GCA: variants seen among roughly 807,000 people sequenced by gnomAD.
GCA encodes the protein grancalcin, EF-hand calcium-binding protein.
In GCA, 30 loss-of-function variants were observed where a neutral mutation model predicts 32.6. The observed-to-expected ratio is 0.92, with a 90% CI of 0.69 to 1.25. GCA has a LOEUF of 1.25. Among genes scored for constraint, GCA ranks in the 50% most tolerant of loss-of-function variants. The probability of loss-of-function intolerance (pLI) is 0.00; values close to 1 mark genes in which losing one functional copy is unlikely to be tolerated. For synonymous variants in GCA, 102 were observed against 84.6 expected (o/e 1.21, Z -1.13); for missense variants, 291 against 266.8 (o/e 1.09, Z -0.63).
intron 4 of GCA, among the ~76,000 whole-genome samples, chr2:162,370,704 G>T (rs1269347818): frequency 6.6e-6 from 1 of 152,172 alleles, no homozygotes; most frequent in South Asian, 2.1e-4. Context: ...ATACTTAATG[G>T]AAACTAGTTT....
rs776295741 is a variant in GCA, at chr2:162,344,224, G to A, written c.-25G>A. ...ACTGCGGACGCGACTCGAGGGTGAC[G>A]CTCGCTCCGCTCGTCCCGCTCGTCA... is the stretch of plus-strand genomic sequence containing the variant. On this transcript the variant is annotated 5_prime_UTR_variant, in exon 1 of 8. Coordinates refer to ENST00000437150, the MANE Select transcript of GCA (RefSeq NM_012198.5). 6.2e-7 allele frequency: 1 copy of A among 1,613,554 alleles called. No individual in the cohort carries two copies. The highest frequency in any genetic ancestry group is 1.1e-5 in the South Asian group (1 of 91,074).
In GCA at chr2:162,348,888, C is replaced by T. The variant is rs76771729; in HGVS notation, c.192+1146C>T. Among the ~76,000 whole-genome samples the T allele has an allele frequency of 2.0e-3, 301 of 152,044 alleles. 1 individual carries two copies. The highest frequency in any genetic ancestry group is 3.5e-3 in the Non-Finnish European group (238 of 67,950). On this transcript the variant is annotated intron_variant, in intron 2 of 7. Coordinates refer to ENST00000437150, the MANE Select transcript of GCA (RefSeq NM_012198.5). Reference sequence around the variant, plus strand: ...TTGACAGAAGTATTGAGTAAATATTCAAGATCGGAAGGAATACAATATTAT... The same window carrying T: ...TTGACAGAAGTATTGAGTAAATATTTAAGATCGGAAGGAATACAATATTAT...
intron 1 of GCA, among the ~76,000 whole-genome samples, chr2:162,323,565 C>T (rs945872854): frequency 1.3e-5 from 2 of 151,882 alleles, no homozygotes; most frequent in South Asian, 4.2e-4. Context: ...GTCTTTAATC[C>T]ATCTTGAATT....
chr2:162,373,788 G>T, downstream of GCA: 1 of 511,226 alleles, frequency 2.0e-6, no homozygotes, highest in Non-Finnish European at 3.3e-6. Flanking sequence ...AAGGACAGGA[G>T]AGGGAGCACA....
Position 162,360,384 on chromosome 2 carries a change from T to C in GCA, c.*141T>C. 1.5e-6 allele frequency: 2 copies of C among 1,359,304 alleles called. No homozygotes were observed. The highest frequency in any genetic ancestry group is 1.9e-6 in the Non-Finnish European group (2 of 1,046,292). The allele number at this position is 1,359,304 out of a possible 1,614,324, so 84.2% of individuals were successfully genotyped here. A position where few individuals can be genotyped will look rare whatever the true frequency, so the allele number is the denominator to read the frequency against. ...CTTCCCTTTCTGTGTGTTTTTATTT[T>C]AGCAGATAGTTCAAAGCAATAAAAG... On this transcript the variant is annotated 3_prime_UTR_variant, in exon 8 of 8. Transcript: ENST00000437150.
downstream of GCA, among the ~76,000 whole-genome samples, chr2:162,366,424 A>G (rs1558908841): frequency 6.6e-6 from 1 of 151,812 alleles, no homozygotes; most frequent in South Asian, 2.1e-4. Context: ...TCATCTCTCA[A>G]TCTCCACTTA....
At chr2:162,353,924 ATTTTCCTCAACT>A (rs1174266463) in intron 3 of GCA, among the ~76,000 whole-genome samples, 2 of 151,350 alleles carry the variant, frequency 1.3e-5, no homozygotes, top group Admixed American at 6.6e-5. Flanking sequence ...CTTTTTGGGA[ATTTTCCTCAACT>A]TTATTTCCTA....
intron 1 of GCA, among the ~76,000 whole-genome samples, chr2:162,337,502 G>A (rs972221953): frequency 6.6e-6 from 1 of 152,132 alleles, no homozygotes; most frequent in Non-Finnish European, 1.5e-5. Context: ...GTGTCTGAAT[G>A]TGCCATCTGC....
chr2:162,347,850 A>G lies in GCA; in HGVS notation c.192+108A>G, dbSNP rs1684788439. On this transcript the variant is annotated intron_variant, in intron 2 of 7. Coordinates refer to ENST00000437150, the MANE Select transcript of GCA (RefSeq NM_012198.5). ...AATGTATATGAAATTTATATTTTAT[A>G]TGTATCTAGACTAATTTTTTTCCTG... 1.7e-5 allele frequency: 10 copies of G among 584,630 alleles called. No individual in the cohort carries two copies. In the South Asian group the frequency reaches 4.5e-4, roughly 26 times the overall value. The allele number at this position is 584,630 out of a possible 1,614,324, so 36.2% of individuals were successfully genotyped here. A position where few individuals can be genotyped will look rare whatever the true frequency, so the allele number is the denominator to read the frequency against.
chr2:162,320,726 G>A (rs1164664747), intron 1 of GCA, among the ~76,000 whole-genome samples: 1 of 152,112 alleles, frequency 6.6e-6, no homozygotes, highest in Admixed American at 6.5e-5. Flanking sequence ...TCTATTACAT[G>A]ACCAGCACTG....
chr2:162,370,513 G>T (rs1255174268), intron 4 of GCA, among the ~76,000 whole-genome samples: 1 of 152,040 alleles, frequency 6.6e-6, no homozygotes, highest in Non-Finnish European at 1.5e-5. Flanking sequence ...TTCATTGTAT[G>T]TTCTGATATT....
chr2:162,356,852 A>G lies in GCA; in HGVS notation c.401A>G (p.Asp134Gly), dbSNP rs763887378. The G allele has an allele frequency of 6.2e-7, 1 of 1,610,684 alleles. No homozygotes were observed. Among genetic ancestry groups the G allele is most frequent in the South Asian group, 1.1e-5 (1 of 90,980 alleles). ...WKENFMTVDQ[D>G]GSGTVEHHEL... ...GAAAACTTCATGACTGTTGATCAAG[A>G]TGGAAGTGGCACAGTAGAACATCAT... is the stretch of plus-strand genomic sequence containing the variant. The change falls in exon 5 of 8, where the codon GAT becomes GGT. Residue 134 changes from aspartate (D) to glycine (G), a missense_variant. Asp to Gly is a moderately conservative substitution (Grantham distance 94). Coordinates refer to ENST00000437150, the MANE Select transcript of GCA (RefSeq NM_012198.5).
Position 162,360,961 on chromosome 2 carries a change from G to A in GCA, c.*718G>A. The A allele has an allele frequency of 3.5e-6, 4 of 1,129,900 alleles. No homozygotes were observed. Among genetic ancestry groups the A allele is most frequent in the Non-Finnish European group, 4.3e-6 (4 of 920,468 alleles). The allele number at this position is 1,129,900 out of a possible 1,614,324, so 70.0% of individuals were successfully genotyped here. On this transcript the variant is annotated 3_prime_UTR_variant, in exon 8 of 8. Coordinates refer to ENST00000437150, the MANE Select transcript of GCA (RefSeq NM_012198.5). Reference sequence around the variant, plus strand: ...GTCCTATTTCATTAGTGAAGACATAGTTCACCTAAAATGGCATCCTGCTCT... The same window carrying A: ...GTCCTATTTCATTAGTGAAGACATAATTCACCTAAAATGGCATCCTGCTCT...
chr2:162,347,804 G>T, intron 2 of GCA, 62 bp downstream of exon 2: 2 of 969,986 alleles, frequency 2.1e-6, no homozygotes, highest in South Asian at 2.6e-5. Context: ...AGAAATGTCA[G>T]CTATTTAGAG....
In GCA at chr2:162,332,338, T is replaced by TAA. The variant is rs1553463267; in HGVS notation, c.-31+13114_-31+13115dup. On this transcript the variant is annotated intron_variant, in intron 1 of 4. Transcript: ENST00000429691. ...AAAAAAAAAAATATATATATATATA[T>TAA]AATATATAATATTATTTATATATTA... 3.6e-3 allele frequency among the ~76,000 whole-genome samples: 507 copies of TAA among 142,724 alleles called. 4 individuals are homozygous for TAA. The highest frequency in any genetic ancestry group is 0.012 in the African/African-American group (473 of 38,438). The allele number at this position is 142,724 out of a possible 152,430, so 93.6% of individuals were successfully genotyped here.
rs774170639 is a variant in GCA, at chr2:162,347,656, G to A, written c.106G>A (p.Asp36Asn). 2.1e-5 allele frequency: 34 copies of A among 1,610,616 alleles called. 1 individual carries two copies. Among genetic ancestry groups the A allele is most frequent in the African/African-American group, 5.3e-5 (4 of 74,830 alleles). The change falls in exon 2 of 8, where the codon GAT becomes AAT. Residue 36 changes from aspartate (D) to asparagine (N), a missense_variant. Transcript: ENST00000437150. The stretch of plus-strand genomic sequence containing the variant: ...AGAAACAGGCCCAGCTATACTCCTC[G>A]ATGGATACTCTGGGCCAGCATATTC... ...VPETGPAILL[D>N]GYSGPAYSDT...
upstream of GCA, among the ~76,000 whole-genome samples, chr2:162,341,028 C>G (rs1285967108): frequency 6.6e-6 from 1 of 151,872 alleles, no homozygotes; most frequent in Non-Finnish European, 1.5e-5. Flanking sequence ...AATTTACTTA[C>G]TCATCATTTT....
intron 4 of GCA, among the ~76,000 whole-genome samples, chr2:162,370,110 C>A (rs1685878221): frequency 6.6e-6 from 1 of 152,110 alleles, no homozygotes. Context: ...AGGGAGCAAT[C>A]TAAGGTCACT....
At chr2:162,345,717 G>A (rs1684669903) in intron 1 of GCA, among the ~76,000 whole-genome samples, 1 of 152,178 alleles carries the variant, frequency 6.6e-6, no homozygotes, top group Non-Finnish European at 1.5e-5. Flanking sequence ...AATAGCTGAA[G>A]CAATATATAG....
Sources: gnomAD v4.1 joint callset for allele counts (sites outside exome capture counted in the v4.1 genomes callset) on GRCh38, gnomAD v4.1.1 for gene constraint, MANE v1.5 for transcripts, NCBI Gene and HGNC (gene_info 2026-07-23, HGNC 2026-07-21) for gene names.